Variants in SULF1 observed in about 807,000 individuals in gnomAD.
SULF1 encodes sulfatase 1.
In SULF1, 46 loss-of-function variants were observed where a neutral mutation model predicts 110.5. The ratio of observed to expected loss-of-function variants is 0.42; its 90% CI spans 0.33 to 0.53. The LOEUF is 0.53. Ranked by LOEUF, SULF1 falls within the 20% of genes least tolerant of loss-of-function variation. SULF1 has a pLI of 0.12. For synonymous variants in SULF1, 371 were observed against 387.1 expected, an observed-to-expected ratio of 0.96 and a Z score of 0.49; for missense variants, 941 against 1,094.2, an observed-to-expected ratio of 0.86 and a Z score of 1.98.
chr8:69,547,635 C>G (rs1814371877), intron 3 of SULF1, among the ~76,000 whole-genome samples: 1 of 152,136 alleles, frequency 6.6e-6, no homozygotes, highest in Non-Finnish European at 1.5e-5. Context: ...CACACACACC[C>G]CAGGAAGCCC....
chr8:69,648,549 G>A (rs1368472201), intron 22 of SULF1, among the ~76,000 whole-genome samples: 1 of 152,212 alleles, frequency 6.6e-6, no homozygotes, highest in Non-Finnish European at 1.5e-5. Context: ...AGCTGACTGG[G>A]CTAATGAGGC....
intron 22 of SULF1, among the ~76,000 whole-genome samples, chr8:69,641,514 G>A (rs942335389): frequency 2.3e-4 from 35 of 152,098 alleles, no homozygotes; most frequent in Non-Finnish European, 3.1e-4. Context: ...GGGAGCCCAA[G>A]CGGGAGGATT....
intron 3 of SULF1, among the ~76,000 whole-genome samples, chr8:69,518,645 T>C (rs1490197263): frequency 6.6e-6 from 1 of 152,194 alleles, no homozygotes; most frequent in Non-Finnish European, 1.5e-5. Flanking sequence ...AGTCCTACTC[T>C]TAAGGCTTGA....
chr8:69,483,366 A>G (rs1809582409), intron 1 of SULF1, among the ~76,000 whole-genome samples: 3 of 152,176 alleles, frequency 2.0e-5, no homozygotes, highest in African/African-American at 4.8e-5. Context: ...AATGCTTCCA[A>G]TGAAGTGGAT....
intron 8 of SULF1, among the ~76,000 whole-genome samples, chr8:69,593,789 C>T (rs540924349): frequency 3.3e-5 from 5 of 152,296 alleles, no homozygotes; most frequent in South Asian, 2.1e-4. Flanking sequence ...GAAAGCCCTG[C>T]GCTCTGGCTA....
chr8:69,548,049 C>T (rs1814410540), intron 3 of SULF1, among the ~76,000 whole-genome samples: 1 of 152,140 alleles, frequency 6.6e-6, no homozygotes. Flanking sequence ...AAGCAGAATT[C>T]TAATAAACCG....
chr8:69,615,659 C>T lies in SULF1; in HGVS notation c.1378-5376C>T, dbSNP rs1586556393. ...GCATATATGTATGTATATTTGATTT[C>T]GTATGATACATCATCATAGCCAAGG... is the stretch of plus-strand genomic sequence containing the variant. On this transcript the variant is annotated intron_variant, in intron 13 of 22. Transcript: ENST00000402687. 2.6e-5 allele frequency among the ~76,000 whole-genome samples: 4 copies of T among 152,084 alleles called. No homozygotes were observed. In the South Asian group the frequency reaches 6.2e-4, roughly 24 times the overall value.
rs111556401 is a variant in SULF1, at chr8:69,651,051, C to CTTTTTTTTT, written c.2586-7450_2586-7449insTTTTTTTTT. ...TCTATCAACATCTATTCTTTTTTTTCTTTTCTTTTTTTTTTTTTTTGAGAC... is the reference window on the plus strand; with the variant it reads ...TCTATCAACATCTATTCTTTTTTTTCTTTTTTTTTTTTTCTTTTTTTTTTTTTTTGAGAC... On this transcript the variant is annotated intron_variant, in intron 22 of 22. Transcript: ENST00000402687. Among the ~76,000 whole-genome samples the CTTTTTTTTT allele has an allele frequency of 2.2e-3, 296 of 134,008 alleles. 4 individuals carry two copies. Among genetic ancestry groups the CTTTTTTTTT allele is most frequent in the Non-Finnish European group, 2.6e-3 (161 of 60,826 alleles). 87.9% of individuals were successfully genotyped at this position (134,008 alleles called of 152,430 possible). A position where few individuals can be genotyped will look rare whatever the true frequency, so the allele number is the denominator to read the frequency against.
At chr8:69,477,619 C>T (rs1809354095) in intron 1 of SULF1, among the ~76,000 whole-genome samples, 1 of 152,132 alleles carries the variant, frequency 6.6e-6, no homozygotes, top group Non-Finnish European at 1.5e-5. Flanking sequence ...ATAATGACAG[C>T]AGTGTTGGAG....
At chr8:69,587,273 CT>C (rs1179358326) in intron 7 of SULF1, among the ~76,000 whole-genome samples, 1 of 152,202 alleles carries the variant, frequency 6.6e-6, no homozygotes, top group Non-Finnish European at 1.5e-5. Context: ...CCATACCCAT[CT>C]CTTCTTCATT....
At chr8:69,612,942 A>C (rs1195673741) in intron 13 of SULF1, among the ~76,000 whole-genome samples, 1 of 152,060 alleles carries the variant, frequency 6.6e-6, no homozygotes, top group Admixed American at 6.6e-5. Context: ...GCCAATGTCT[A>C]GAAGAGTTTT....
chr8:69,500,693 T>G (rs1457860714), intron 2 of SULF1, among the ~76,000 whole-genome samples: 2 of 152,292 alleles, frequency 1.3e-5, no homozygotes, highest in Non-Finnish European at 2.9e-5. Flanking sequence ...GGAAAAGTTC[T>G]TCTAGAACTC....
chr8:69,504,391 T>A (rs1312962114), intron 3 of SULF1, among the ~76,000 whole-genome samples: 2 of 151,904 alleles, frequency 1.3e-5, no homozygotes, highest in African/African-American at 4.8e-5. Flanking sequence ...CCATCTCTAC[T>A]AAAAATACAA....
chr8:69,565,368 G>A (rs2150723696), intron 5 of SULF1, among the ~76,000 whole-genome samples: 1 of 152,252 alleles, frequency 6.6e-6, no homozygotes, highest in South Asian at 2.1e-4. Flanking sequence ...CACTTACAGA[G>A]CAAGTAATTT....
intron 3 of SULF1, among the ~76,000 whole-genome samples, chr8:69,547,071 G>C (rs925085771): frequency 2.0e-5 from 3 of 151,778 alleles, no homozygotes; most frequent in African/African-American, 7.3e-5. Flanking sequence ...AAAACAACAA[G>C]ATAAAAATGG....
At chr8:69,606,793 A>G (rs1808248412) in intron 13 of SULF1, among the ~76,000 whole-genome samples, 1 of 152,180 alleles carries the variant, frequency 6.6e-6, no homozygotes, top group East Asian at 1.9e-4. Context: ...ATGCTTTCAT[A>G]TCTGGAATTT....
intron 1 of SULF1, among the ~76,000 whole-genome samples, chr8:69,471,802 G>T (rs767142675): frequency 1.4e-4 from 22 of 152,138 alleles, no homozygotes; most frequent in Non-Finnish European, 3.1e-4. Flanking sequence ...ATCCAATATT[G>T]TATGTTCAAT....
intron 3 of SULF1, among the ~76,000 whole-genome samples, chr8:69,532,305 G>A (rs543541111): frequency 1.3e-5 from 2 of 152,138 alleles, no homozygotes; most frequent in African/African-American, 4.8e-5. Context: ...GCCAAAATAG[G>A]CACATGAGAA....
chr8:69,486,908 C>T (rs989325115), intron 1 of SULF1, among the ~76,000 whole-genome samples: 10 of 152,182 alleles, frequency 6.6e-5, no homozygotes, highest in African/African-American at 1.7e-4. Context: ...GCAAGGCATG[C>T]GCGCACTTAC....
Sources: gnomAD v4.1 joint callset for allele counts (sites outside exome capture counted in the v4.1 genomes callset) on GRCh38, gnomAD v4.1.1 for gene constraint, MANE v1.5 for transcripts, NCBI Gene and HGNC (gene_info 2026-07-23, HGNC 2026-07-21) for gene names.